NCL: variants seen among roughly 807,000 people sequenced by gnomAD.
The protein encoded by NCL is nucleolin multifunctional protein.
In NCL, 4 loss-of-function variants were observed where a neutral mutation model predicts 77.7. That is an observed-to-expected ratio of 0.05 (90% CI 0.03 to 0.12). The LOEUF is 0.12. NCL is among the 10% of genes least tolerant of loss of function. NCL has a pLI of 1.00. For synonymous variants in NCL, 344 were observed against 297.8 expected, an observed-to-expected ratio of 1.16 and a Z score of -1.60; for missense variants, 763 against 860.9, an observed-to-expected ratio of 0.89 and a Z score of 1.42.
rs1050959423 is a variant in NCL at position 231,461,667 on chromosome 2, GTCC to G, written c.483_485del (p.Glu161del). On this transcript the variant is annotated inframe_deletion, in exon 3 of 14. Transcript: ENST00000322723. ...CAATTTCATCTTCATCCTCATCCTC[GTCC>G]TCGTCATCCTCCTCATCCTCCTCAC... 4 of 1,610,306 alleles carry G rather than the reference GTCC, an allele frequency of 2.5e-6. No homozygotes were observed. Among genetic ancestry groups the G allele is most frequent in the East Asian group, 2.2e-5 (1 of 44,822 alleles).
At position 231,461,785 on chromosome 2, in the gene NCL, C is replaced by A. The variant is rs777034222; in HGVS notation, c.368G>T (p.Gly123Val). 2 of 1,614,202 alleles carry A rather than the reference C, an allele frequency of 1.2e-6. No homozygotes were observed. Among genetic ancestry groups the A allele is most frequent in the Non-Finnish European group, 1.7e-6 (2 of 1,180,024 alleles). ...TPGKALVATP[G>V]KKGAAIPAKG... ...GGCTGGGATGGCAGCACCCTTCTTA[C>A]CAGGAGTTGCTACCAATGCTTTGCC... Residue 123 changes from glycine (G) to valine (V), a missense_variant, in exon 3 of 14, where the codon GGT (glycine) becomes GTT (valine). By Grantham distance (109) the Gly-to-Val change is moderately radical. Transcript: ENST00000322723.
Position 231,460,732 on chromosome 2 carries a change from C to G in NCL, c.748G>C (p.Asp250His). The G allele has an allele frequency of 1.2e-6, 2 of 1,610,748 alleles. No individual in the cohort carries two copies. The highest frequency in any genetic ancestry group is 1.7e-6 in the Non-Finnish European group (2 of 1,176,956). The change falls in exon 4 of 14, where the codon GAC becomes CAC. Residue 250 changes from aspartate (D) to histidine (H), a missense_variant. By Grantham distance (81) the Asp-to-His change is moderately conservative. Coordinates refer to ENST00000322723, the MANE Select transcript of NCL (RefSeq NM_005381.3). ...TCATCATCATCTTCATCATCTTCGT[C>G]GTCGTCGTCATCCTCGTCCTCATCA... ...EDDEDEDDDD[D>H]EDDEDDDDED... is the part of the protein sequence containing the mutation.
In NCL at chr2:231,461,704, T is replaced by A. The variant is rs753196810; in HGVS notation, c.449A>T (p.Asp150Val). The A allele has an allele frequency of 1.2e-6, 2 of 1,613,982 alleles. No individual in the cohort carries two copies. The highest frequency in any genetic ancestry group is 2.7e-5 in the African/African-American group (2 of 74,956). Residue 150 changes from aspartate to valine, a missense_variant, in exon 3 of 14, where the codon GAT (aspartate) becomes GTT (valine). Around this residue, in one of 2 missense-constraint regions of NCL, gnomAD observed 590 missense variants for 570.5 expected, o/e 1.03. Transcript: ENST00000322723. ...AKKEDSDEEE[D>V]DDSEEDEEDD... Reference sequence around the variant, plus strand: ...CTCCTCATCCTCCTCACTGTCATCATCCTCCTCTTCATCACTGTCTTCCTT... The same window carrying A: ...CTCCTCATCCTCCTCACTGTCATCAACCTCCTCTTCATCACTGTCTTCCTT...
At chr2:231,460,327 AGT>A in intron 5 of NCL, 34 bp from the exon 6 acceptor site, 1 of 1,614,078 alleles carries the variant, frequency 6.2e-7, no homozygotes, top group Admixed American at 1.7e-5. Context: ...GTCTACTTGT[AGT>A]GTGGTAAAAA....
intron 12 of NCL, 125 bp from the exon 13 acceptor site, chr2:231,455,749 GAC>G (rs2046880808): frequency 1.6e-6 from 2 of 1,240,764 alleles, no homozygotes; most frequent in African/African-American, 3.0e-5. Context: ...AGATACCAGT[GAC>G]AGAGTAGCTC....
intron 2 of NCL, 85 bp from the exon 3 acceptor site, chr2:231,462,102 G>A (rs1346904664): frequency 2.6e-6 from 4 of 1,516,676 alleles, no homozygotes; most frequent in South Asian, 2.3e-5. Context: ...GTTAGACTCT[G>A]GCAATGCCTC....
chr2:231,457,379 T>C, intron 9 of NCL: 1 of 750,562 alleles, frequency 1.3e-6, no homozygotes, highest in Non-Finnish European at 2.4e-6. Context: ...ACGCACATGG[T>C]CAAGTCATTT....
At chr2:231,459,873 C>T (rs1291634172) in intron 6 of NCL, among the ~76,000 whole-genome samples, 1 of 152,112 alleles carries the variant, frequency 6.6e-6, no homozygotes, top group East Asian at 2.0e-4. Flanking sequence ...CGCCACTGTA[C>T]TCCAGCCTGA....
intron 12 of NCL, 46 bp from the exon 13 acceptor site, chr2:231,455,670 A>C: frequency 6.3e-7 from 1 of 1,585,770 alleles, no homozygotes; most frequent in Non-Finnish European, 8.7e-7. Context: ...CACCTACTAC[A>C]CATGTCCCAA....
rs201281409 is a variant in NCL, at chr2:231,458,944, T to C, written c.1165+57A>G. ...CCAAGGGAAATGGGTTACAAAGCAT[T>C]TTCCCTAGCAGTCTAGCTCCTGAGT... is the stretch of plus-strand genomic sequence containing the variant. On this transcript the variant is annotated intron_variant, in intron 7 of 13. Transcript: ENST00000322723. 836 of 1,443,484 alleles carry C rather than the reference T, an allele frequency of 5.8e-4. 2 individuals carry two copies. The highest frequency in any genetic ancestry group is 2.1e-3 in the Middle Eastern group (11 of 5,120). 89.4% of individuals were successfully genotyped at this position (1,443,484 alleles called of 1,614,324 possible). A position where few individuals can be genotyped will look rare whatever the true frequency, so the allele number is the denominator to read the frequency against.
chr2:231,458,442 G>A lies in NCL; in HGVS notation c.1166-53C>T, dbSNP rs2046912738. The A allele has an allele frequency of 1.1e-5, 18 of 1,589,802 alleles. No individual in the cohort carries two copies. The South Asian group carries it at 2.0e-4, about 18-fold the overall frequency. ...TGTGGCCTGAAAAACCAAAGGTGGG[G>A]GGCAACAACAAAAAGAGGGGAAAAA... is the stretch of plus-strand genomic sequence containing the variant. On this transcript the variant is annotated intron_variant, in intron 7 of 13. Transcript: ENST00000322723.
At chr2:231,456,787 T>C (rs2305264) in intron 10 of NCL, 23 bp from the exon 11 acceptor site, 13 of 1,612,876 alleles carry the variant, frequency 8.1e-6, no homozygotes, top group Non-Finnish European at 1.1e-5. Context: ...AGTTAATGCT[T>C]AGAGTAAGTT....
In NCL at chr2:231,457,755, G is replaced by A. The variant is rs746992346; in HGVS notation, c.1335C>T (p.Thr445=). 1 of 1,612,858 alleles carries A rather than the reference G, an allele frequency of 6.2e-7. No homozygotes were observed. The highest frequency in any genetic ancestry group is 8.5e-7 in the Non-Finnish European group (1 of 1,179,366). The change falls in exon 9 of 14, where the codon ACC becomes ACT. Residue 445 remains threonine, a synonymous_variant. Transcript: ENST00000322723. ...TCTCTGTTCCCTGCTTTTCTTCAAA[G>A]GTTTTCTCTGCATCAGCTTCTGTCT... The part of the protein sequence containing the change: ...EFKTEADAEK[T]FEEKQGTEID...
intron 1 of NCL, 181 bp from the exon 2 acceptor site, chr2:231,463,497 G>C: frequency 3.3e-6 from 2 of 598,748 alleles, no homozygotes. Flanking sequence ...ACTCTCAACC[G>C]CCCACATTTT....
In NCL at chr2:231,458,952, G is replaced by A. The variant is rs188786915; in HGVS notation, c.1165+49C>T. 73 of 1,467,180 alleles carry A rather than the reference G, an allele frequency of 5.0e-5. No homozygotes were observed. The African/African-American group carries it at 1.0e-3, about 20-fold the overall frequency. The allele number at this position is 1,467,180 out of a possible 1,614,324, so 90.9% of individuals were successfully genotyped here. On this transcript the variant is annotated intron_variant, in intron 7 of 13. Coordinates refer to ENST00000322723, the MANE Select transcript of NCL (RefSeq NM_005381.3). ...AATGGGTTACAAAGCATTTTCCCTA[G>A]CAGTCTAGCTCCTGAGTTCATTGCA... is the stretch of plus-strand genomic sequence containing the variant.
chr2:231,458,889 A>C, intron 7 of NCL, 112 bp downstream of exon 7: 1 of 1,215,524 alleles, frequency 8.2e-7, no homozygotes, highest in Middle Eastern at 3.0e-4. Flanking sequence ...AAACCAAAGG[A>C]AAAAAATGAT....
In NCL at chr2:231,461,559, G is replaced by A. The variant is rs572420764; in HGVS notation, c.594C>T (p.Asp198=). Residue 198 remains aspartate, a synonymous_variant, in exon 3 of 14, where the codon GAC becomes GAT. Coordinates refer to ENST00000322723, the MANE Select transcript of NCL (RefSeq NM_005381.3). ...CCTTACCATCTTCCTCATCGTCATC[G>A]TCATCCTCATCATCTTCGTCATCCT... The part of the protein sequence containing the change: ...DDEDDEDDED[D]DDDEEDDSEE... 6.3e-5 allele frequency: 102 copies of A among 1,613,276 alleles called. No individual in the cohort carries two copies. The Admixed American group carries it at 8.7e-4, about 14-fold the overall frequency.
At position 231,460,687 on chromosome 2, in the gene NCL, C is replaced by T. The variant is rs1430915703; in HGVS notation, c.793G>A (p.Glu265Lys). 6 of 1,603,430 alleles carry T rather than the reference C, an allele frequency of 3.7e-6. No individual in the cohort carries two copies. Among genetic ancestry groups the T allele is most frequent in the Non-Finnish European group, 5.1e-6 (6 of 1,175,772 alleles). ...DDDDEDDEEEEEEEEEEPVKE... is the reference protein window; with the variant it reads ...DDDDEDDEEEKEEEEEEPVKE... ...TAAGTACCTTCCTCCTCCTCTTCTT[C>T]CTCCTCCTCATCATCTTCATCATCA... Residue 265 changes from glutamate (E) to lysine (K), a missense_variant, in exon 4 of 14, where the codon GAA (glutamate) becomes AAA (lysine). Glu to Lys is a moderately conservative substitution (Grantham distance 56). Transcript: ENST00000322723.
At chr2:231,456,786 T>G in intron 10 of NCL, 22 bp from the exon 11 acceptor site, 1 of 1,612,912 alleles carries the variant, frequency 6.2e-7, no homozygotes. Flanking sequence ...CAGTTAATGC[T>G]TAGAGTAAGT....
Sources: gnomAD v4.1 joint callset for allele counts (sites outside exome capture counted in the v4.1 genomes callset) on GRCh38, gnomAD v4.1.1 for gene constraint, gnomAD v4.1.1 regional missense constraint, MANE v1.5 for transcripts, NCBI Gene and HGNC (gene_info 2026-07-23, HGNC 2026-07-21) for gene names.